Variants in CRLF1 observed in about 807,000 individuals in gnomAD.
CRLF1 encodes the protein cytokine receptor-like factor 1.
Under a neutral mutation model 48.9 loss-of-function variants are expected in CRLF1, and 36 were observed. That is an observed-to-expected ratio of 0.74 (90% CI 0.56 to 0.97). CRLF1 has a LOEUF of 0.97. CRLF1 is among the 50% of genes least tolerant of loss of function. The pLI, the probability that CRLF1 is intolerant of heterozygous loss-of-function variation, is 0.00. For synonymous variants in CRLF1, 256 were observed against 253.4 expected (o/e 1.01, Z -0.10); for missense variants, 534 against 575.1 (o/e 0.93, Z 0.73).
At chr19:18,604,597 C>T (rs1976265561) in intron 1 of CRLF1, among the ~76,000 whole-genome samples, 2 of 152,204 alleles carry the variant, frequency 1.3e-5, no homozygotes, top group African/African-American at 4.8e-5. Flanking sequence ...GGGGTCCCGG[C>T]TGACTAGGCA....
At chr19:18,601,278 TG>T (rs1338856558) in intron 1 of CRLF1, among the ~76,000 whole-genome samples, 107 of 151,138 alleles carry the variant, frequency 7.1e-4, no homozygotes, top group African/African-American at 2.3e-3. Flanking sequence ...AAGAGCACCA[TG>T]TTTTTTTTTT....
chr19:18,600,226 T>G (rs1976202361), intron 1 of CRLF1, among the ~76,000 whole-genome samples: 1 of 151,850 alleles, frequency 6.6e-6, no homozygotes, highest in Non-Finnish European at 1.5e-5. Context: ...TGAGACGGAG[T>G]CTCGCTCTGT....
chr19:18,595,337 G>A (rs1400984490), intron 6 of CRLF1, among the ~76,000 whole-genome samples: 2 of 152,186 alleles, frequency 1.3e-5, no homozygotes, highest in African/African-American at 4.8e-5. Flanking sequence ...GCTTGCTCCC[G>A]CCCACCCCTG....
rs1053353557 is a variant in CRLF1, at chr19:18,606,153, G to A, written c.115+389C>T. Among the ~76,000 whole-genome samples the A allele has an allele frequency of 2.6e-5, 4 of 151,434 alleles. No homozygotes were observed. Among genetic ancestry groups the A allele is most frequent in the Non-Finnish European group, 4.4e-5 (3 of 67,734 alleles). On this transcript the variant is annotated intron_variant, in intron 1 of 8. Coordinates refer to ENST00000392386, the MANE Select transcript of CRLF1 (RefSeq NM_004750.5). The surrounding 1 kb of genome is among the most constrained non-coding windows in gnomAD (Gnocchi z 4.8). ...GGCCCGCTGGGGGCCCGCACCCAGC[G>A]CGCCAACCGCGTGCGCCCCCGCCTG...
At chr19:18,600,041 G>A (rs977018539) in intron 1 of CRLF1, among the ~76,000 whole-genome samples, 195 bp from the exon 2 acceptor site, 7 of 152,110 alleles carry the variant, frequency 4.6e-5, no homozygotes, top group African/African-American at 1.7e-4. Flanking sequence ...TGACAGACCT[G>A]GAGTTGTCCA....
At chr19:18,605,596 G>A (rs1400777426) in intron 1 of CRLF1, among the ~76,000 whole-genome samples, 4 of 152,360 alleles carry the variant, frequency 2.6e-5, no homozygotes, top group Admixed American at 2.6e-4. Flanking sequence ...GCGCGAATGT[G>A]CACCTGGGAT....
At position 18,594,358 on chromosome 19, in the gene CRLF1, G is replaced by A. The variant is rs1976100525; in HGVS notation, c.1101C>T (p.Leu367=). The stretch of plus-strand genomic sequence containing the variant: ...TCTTGAGCCAGCCCAGGAACTGCTT[G>A]AGCTCGCGCCGCACCGGCCCCGAGC... ...EPSSGPVRRE[L]KQFLGWLKKH... is the part of the protein sequence containing the mutation. The change falls in exon 7 of 9, where the codon CTC becomes CTT. Residue 367 remains leucine (L), a synonymous_variant. Transcript: ENST00000392386. 6.2e-7 allele frequency: 1 copy of A among 1,610,848 alleles called. No individual in the cohort carries two copies. The highest frequency in any genetic ancestry group is 2.2e-5 in the East Asian group (1 of 44,706).
chr19:18,596,949 G>A lies in CRLF1; in HGVS notation c.798C>T (p.Phe266=). Residue 266 remains phenylalanine (F), a synonymous_variant, in exon 5 of 9, where the codon TTC becomes TTT. Coordinates refer to ENST00000392386, the MANE Select transcript of CRLF1 (RefSeq NM_004750.5). ...RWVSPPALKD[F]LFQAKYQIRY... ...GGATCTGGTATTTGGCTTGAAAGAGGAAATCCTTGAGGGCGGGTGGCGACA... is the reference window on the plus strand; with the variant it reads ...GGATCTGGTATTTGGCTTGAAAGAGAAAATCCTTGAGGGCGGGTGGCGACA... 2 of 1,614,088 alleles carry A rather than the reference G, an allele frequency of 1.2e-6. No individual in the cohort carries two copies. Among genetic ancestry groups the A allele is most frequent in the East Asian group, 2.2e-5 (1 of 44,874 alleles).
intron 3 of CRLF1, 38 bp from the exon 4 acceptor site, chr19:18,598,639 C>T: frequency 1.2e-5 from 19 of 1,613,824 alleles, no homozygotes; most frequent in Non-Finnish European, 1.6e-5. Context: ...CATGAGGGTT[C>T]CTTGTGGCCC....
chr19:18,602,290 T>C (rs968731974), intron 1 of CRLF1, among the ~76,000 whole-genome samples: 45 of 152,174 alleles, frequency 3.0e-4, no homozygotes, highest in African/African-American at 4.8e-5. Context: ...TTTCCCCATC[T>C]GGAAAGTGGA....
At position 18,606,578 on chromosome 19, in the gene CRLF1, AG is replaced by A; in HGVS notation, c.78del (p.Cys27AlafsTer16). 1 of 1,136,578 alleles carries A rather than the reference AG, an allele frequency of 8.8e-7. No homozygotes were observed. The highest frequency in any genetic ancestry group is 1.7e-5 in the African/African-American group (1 of 59,032). The allele number at this position is 1,136,578 out of a possible 1,614,324, so 70.4% of individuals were successfully genotyped here. On this transcript the variant is annotated frameshift_variant, in exon 1 of 9. Coordinates refer to ENST00000392386, the MANE Select transcript of CRLF1 (RefSeq NM_004750.5). LOFTEE classifies it high-confidence loss of function. This position sits in a 1 kb window ranked among gnomAD's most constrained non-coding sequence, Gnocchi z 4.8. Reference sequence around the variant, plus strand: ...CCGGCTCGCGGCGCCCCGAGGACGCAGAGCAGCAGCAGCAGGGGCAGCAACG... The same window carrying A: ...CCGGCTCGCGGCGCCCCGAGGACGCAAGCAGCAGCAGCAGGGGCAGCAACG... ...PPPLLPLLLL[L>X]CVLGAPRAGS...
chr19:18,598,976 C>T (rs1976182911), intron 2 of CRLF1, 75 bp from the exon 3 acceptor site: 4 of 1,587,048 alleles, frequency 2.5e-6, no homozygotes, highest in Non-Finnish European at 3.4e-6. Flanking sequence ...GGTTGCTGCC[C>T]ACCCACCAGG....
intron 1 of CRLF1, among the ~76,000 whole-genome samples, chr19:18,605,146 C>G (rs1439660015): frequency 6.6e-6 from 1 of 151,624 alleles, no homozygotes; most frequent in Non-Finnish European, 1.5e-5. Context: ...TACAGTGCCC[C>G]CCCACCCCCT....
In CRLF1 at chr19:18,606,417, G is replaced by C. The variant is rs1976296873; in HGVS notation, c.115+125C>G. ...GTGAGGGCGCCCCGAGGGCTGCGCCGGGGGCGCCTTCCTTTGTTCCCCGGC... is the reference window on the plus strand; with the variant it reads ...GTGAGGGCGCCCCGAGGGCTGCGCCCGGGGCGCCTTCCTTTGTTCCCCGGC... On this transcript the variant is annotated intron_variant, in intron 1 of 8. Coordinates refer to ENST00000392386, the MANE Select transcript of CRLF1 (RefSeq NM_004750.5). The surrounding 1 kb of genome is among the most constrained non-coding windows in gnomAD (Gnocchi z 4.8). 1.4e-6 allele frequency: 1 copy of C among 711,186 alleles called. No homozygotes were observed. The allele number at this position is 711,186 out of a possible 1,614,324, so 44.1% of individuals were successfully genotyped here.
Position 18,594,379 on chromosome 19 carries a change from C to T in CRLF1, c.1080G>A (p.Ser360=), listed in dbSNP as rs748177094. The change falls in exon 7 of 9, where the codon TCG becomes TCA. Residue 360 remains serine, a synonymous_variant. Transcript: ENST00000392386. The part of the protein sequence containing the change: ...ACEPRGGEPS[S]GPVRRELKQF... ...GCTTGAGCTCGCGCCGCACCGGCCC[C>T]GAGCTCGGCTCTCCGCCCCGCGGTT... is the stretch of plus-strand genomic sequence containing the variant. The T allele has an allele frequency of 6.2e-7, 1 of 1,602,616 alleles. No homozygotes were observed. Among genetic ancestry groups the T allele is most frequent in the South Asian group, 1.1e-5 (1 of 90,124 alleles).
rs1430084194 is a variant in CRLF1, at chr19:18,596,707, GC to G, written c.938del (p.Cys313SerfsTer113). On this transcript the variant is annotated frameshift_variant, in exon 6 of 9. Transcript: ENST00000392386. LOFTEE classifies it high-confidence loss of function. ...PGTVYFVQVR[C>X]NPFGIYGSKK... Reference sequence around the variant, plus strand: ...TGGAGCCATAGATGCCAAAGGGGTTGCAGCGCACTTGCACGAAGTACACGGT... The same window carrying G: ...TGGAGCCATAGATGCCAAAGGGGTTGAGCGCACTTGCACGAAGTACACGGT... 6.2e-6 allele frequency: 10 copies of G among 1,614,022 alleles called. No individual in the cohort carries two copies. Among genetic ancestry groups the G allele is most frequent in the Non-Finnish European group, 8.5e-6 (10 of 1,180,036 alleles).
intron 1 of CRLF1, among the ~76,000 whole-genome samples, chr19:18,603,017 T>A (rs1976239732): frequency 6.6e-6 from 1 of 152,200 alleles, no homozygotes; most frequent in Non-Finnish European, 1.5e-5. Context: ...GGCCTCAGTG[T>A]TTTACTTCTT....
At chr19:18,598,981 A>G in intron 2 of CRLF1, 80 bp from the exon 3 acceptor site, 1 of 1,583,106 alleles carries the variant, frequency 6.3e-7, no homozygotes, top group East Asian at 2.2e-5. Flanking sequence ...CTGCCCACCC[A>G]CCAGGCCCCC....
chr19:18,603,280 G>A (rs979695349), intron 1 of CRLF1, among the ~76,000 whole-genome samples: 3 of 152,262 alleles, frequency 2.0e-5, no homozygotes, highest in African/African-American at 7.2e-5. Flanking sequence ...AGCAGGGGCT[G>A]GAGGAAGACA....
Sources: allele counts gnomAD v4.1 joint callset (sites outside exome capture counted in the v4.1 genomes callset), GRCh38; gene constraint gnomAD v4.1.1; non-coding constraint Gnocchi (gnomAD v3.1); transcripts MANE v1.5; gene names NCBI Gene and HGNC (gene_info 2026-07-23, HGNC 2026-07-21).